TCAF1: variants seen among roughly 807,000 people sequenced by gnomAD.
The protein encoded by TCAF1 is TRPM8 channel associated factor 1.
TCAF1 carries 4 observed loss-of-function variants against 27.3 expected under a neutral mutation model. The observed-to-expected ratio is 0.15, with a 90% CI of 0.07 to 0.34. The LOEUF (loss-of-function observed/expected upper bound fraction) is 0.34. TCAF1 is among the 10% of genes least tolerant of loss of function. The probability of loss-of-function intolerance (pLI) is 1.00; values close to 1 mark genes in which losing one functional copy is unlikely to be tolerated. For missense variants in TCAF1, 257 were observed against 425.8 expected (o/e 0.60, Z 3.49); for synonymous variants, 105 against 167.1 (o/e 0.63, Z 2.87).
intron 2 of TCAF1, among the ~76,000 whole-genome samples, chr7:143,868,593 TTTTAAA>T (rs1403576325): frequency 1.3e-5 from 1 of 75,970 alleles, no homozygotes; most frequent in African/African-American, 4.6e-5. Flanking sequence ...TACTTTTTTC[TTTTAAA>T]TTTGTTTTCC....
intron 1 of TCAF1, among the ~76,000 whole-genome samples, chr7:143,892,851 A>G (rs1417256957): frequency 6.6e-6 from 1 of 152,172 alleles, no homozygotes. Context: ...ACAGTGAGAA[A>G]GGTAGCTGTC....
In TCAF1 at chr7:143,859,894, ATATTATATAATATATAT is replaced by A. The variant is rs1270894841; in HGVS notation, c.2167+297_2167+313del. On this transcript the variant is annotated intron_variant, in intron 6 of 8. Transcript: ENST00000479870. ...ATACATATATACATATATATAATAT[ATATTATATAATATATAT>A]TACGGAATATATATTATATAATATA... is the stretch of plus-strand genomic sequence containing the variant. Among the ~76,000 whole-genome samples the A allele has an allele frequency of 6.2e-4, 57 of 91,968 alleles. 4 individuals carry two copies. Among genetic ancestry groups the A allele is most frequent in the South Asian group, 1.7e-3 (5 of 2,878 alleles). The allele number at this position is 91,968 out of a possible 152,430, so 60.3% of individuals were successfully genotyped here. A position where few individuals can be genotyped will look rare whatever the true frequency, so the allele number is the denominator to read the frequency against.
chr7:143,884,921 A>T, intron 1 of TCAF1: 1 of 828,840 alleles, frequency 1.2e-6, no homozygotes, highest in Non-Finnish European at 1.5e-6. Flanking sequence ...GAAATAAGAG[A>T]CTGGTAGAAA....
In TCAF1 at chr7:143,892,446, C is replaced by T. The variant is rs556007336; in HGVS notation, c.-15+9515G>A. On this transcript the variant is annotated intron_variant, in intron 1 of 8. Transcript: ENST00000479870. ...AAAAATTAATAGAAAGTGTTGAATT[C>T]GAAAGAAATCAAGAAAAGAGAAAAT... is the stretch of plus-strand genomic sequence containing the variant. 8.7e-5 allele frequency among the ~76,000 whole-genome samples: 13 copies of T among 149,118 alleles called. No individual in the cohort carries two copies. The South Asian group carries it at 1.1e-3, about 12-fold the overall frequency.
chr7:143,859,975 T>TATATTATATAATATATATTATGTA (rs1811865865), intron 6 of TCAF1, among the ~76,000 whole-genome samples: 1 of 20,548 alleles, frequency 4.9e-5, no homozygotes, highest in Non-Finnish European at 1.1e-4. Flanking sequence ...TATTATATAA[T>TATATTATATAATATATATTATGTA]ATATATTATA....
intron 1 of TCAF1, among the ~76,000 whole-genome samples, chr7:143,898,703 C>A (rs569611819): frequency 7.9e-5 from 12 of 152,220 alleles, no homozygotes; most frequent in African/African-American, 2.4e-4. Context: ...ATACCATGTT[C>A]ATTGAGGAAA....
intron 1 of TCAF1, among the ~76,000 whole-genome samples, chr7:143,901,600 T>G (rs1372630798): frequency 6.6e-6 from 1 of 152,162 alleles, no homozygotes; most frequent in African/African-American, 2.4e-5. Flanking sequence ...AACTTCCACC[T>G]GGGCTTAACG....
At chr7:143,894,679 A>G (rs1337636575) in intron 1 of TCAF1, among the ~76,000 whole-genome samples, 2 of 151,768 alleles carry the variant, frequency 1.3e-5, no homozygotes, top group Non-Finnish European at 3.0e-5. Context: ...TCAAGTCCTA[A>G]GCATAAATGT....
chr7:143,866,588 A>AT (rs1400135516), intron 2 of TCAF1, among the ~76,000 whole-genome samples: 11 of 151,990 alleles, frequency 7.2e-5, no homozygotes, highest in Non-Finnish European at 2.9e-5. Context: ...ATCCATAAAC[A>AT]TTTGTCTTTT....
chr7:143,895,120 C>T (rs1190578468), intron 1 of TCAF1, among the ~76,000 whole-genome samples: 2 of 151,892 alleles, frequency 1.3e-5, no homozygotes, highest in Admixed American at 6.6e-5. Flanking sequence ...ATATATATTT[C>T]TGATGGGAAC....
intron 1 of TCAF1, among the ~76,000 whole-genome samples, chr7:143,899,173 CTTGT>C (rs1227982724): frequency 1.3e-5 from 2 of 152,090 alleles, no homozygotes; most frequent in Admixed American, 6.5e-5. Context: ...GGTTTATTTG[CTTGT>C]TTGTTTCTTG....
At chr7:143,901,317 T>C (rs1233697611) in intron 1 of TCAF1, among the ~76,000 whole-genome samples, 1 of 152,230 alleles carries the variant, frequency 6.6e-6, no homozygotes, top group African/African-American at 2.4e-5. Flanking sequence ...GTACTTCTTC[T>C]AAATTTCCAT....
At position 143,876,352 on chromosome 7, in the gene TCAF1, G is replaced by A; in HGVS notation, c.257C>T (p.Ser86Phe). ...FLLNAVGWLC[S>F]SPGAPIGVHP... ...TACACCAATGGGAGCCCCAGGGGAAGAGCAAAGCCACCCCACTGCGTTCAG... is the reference window on the plus strand; with the variant it reads ...TACACCAATGGGAGCCCCAGGGGAAAAGCAAAGCCACCCCACTGCGTTCAG... Residue 86 changes from serine (S) to phenylalanine (F), a missense_variant, in exon 2 of 9, where the codon TCT (serine) becomes TTT (phenylalanine). Physicochemically the swap from Ser to Phe is radical, Grantham distance 155. Coordinates refer to ENST00000479870, the MANE Select transcript of TCAF1 (RefSeq NM_014719.3). 6.2e-7 allele frequency: 1 copy of A among 1,614,200 alleles called. No homozygotes were observed. The highest frequency in any genetic ancestry group is 8.5e-7 in the Non-Finnish European group (1 of 1,180,026).
chr7:143,875,915 G>T, intron 2 of TCAF1, 74 bp downstream of exon 2: 1 of 1,378,052 alleles, frequency 7.3e-7, no homozygotes, highest in Non-Finnish European at 9.9e-7. Flanking sequence ...GTTAGCCTTG[G>T]AGCAACCTGA....
intron 1 of TCAF1, among the ~76,000 whole-genome samples, chr7:143,879,811 T>C (rs552343732): frequency 1.3e-5 from 2 of 152,024 alleles, no homozygotes; most frequent in Non-Finnish European, 2.9e-5. Flanking sequence ...CATAAGACCC[T>C]GTAGCACTGT....
rs369937718 is a variant in TCAF1 at position 143,881,480 on chromosome 7, CCTT to C, written c.-14-4861_-14-4859del. Among the ~76,000 whole-genome samples, 10 of 152,238 alleles carry C rather than the reference CCTT, an allele frequency of 6.6e-5. No homozygotes were observed. The South Asian group carries it at 1.9e-3, about 28-fold the overall frequency. ...TCCAAGACATCGGGCTAGTTCAACC[CCTT>C]TTTTGAATTCTGTCCTAGACATTCC... is the stretch of plus-strand genomic sequence containing the variant. On this transcript the variant is annotated intron_variant, in intron 1 of 8. Transcript: ENST00000479870.
Position 143,851,539 on chromosome 7 carries a change from T to G in TCAF1, c.*2594A>C, listed in dbSNP as rs1282314913. ...GAGGTAATGCTTTTAACAATATTTA[T>G]TTTAGATCGTCTGGTAACTTTCTAA... On this transcript the variant is annotated 3_prime_UTR_variant, in exon 9 of 9. Transcript: ENST00000479870. 2 of 152,292 alleles carry G rather than the reference T, an allele frequency of 1.3e-5. No individual in the cohort carries two copies. The highest frequency in any genetic ancestry group is 2.9e-5 in the Non-Finnish European group (2 of 68,058). The allele number at this position is 152,292 out of a possible 1,614,324, so 9.4% of individuals were successfully genotyped here.
At chr7:143,885,515 C>T (rs1307060253) in intron 1 of TCAF1, 1 of 985,398 alleles carries the variant, frequency 1.0e-6, no homozygotes, top group East Asian at 1.1e-4. Flanking sequence ...ACCCAGACGC[C>T]CGCCCTCAGA....
chr7:143,892,743 T>C (rs1262888531), intron 1 of TCAF1, among the ~76,000 whole-genome samples: 1 of 152,006 alleles, frequency 6.6e-6, no homozygotes, highest in African/African-American at 2.4e-5. Flanking sequence ...GGTAATTAGA[T>C]GTAGATGATG....
Sources: gnomAD v4.1 joint callset for allele counts (sites outside exome capture counted in the v4.1 genomes callset) on GRCh38, gnomAD v4.1.1 for gene constraint, MANE v1.5 for transcripts, NCBI Gene and HGNC (gene_info 2026-07-23, HGNC 2026-07-21) for gene names.